The following DENND1A variants were observed in gnomAD, a reference collection of about 807,000 sequenced individuals.
DENND1A encodes DENN domain-containing protein 1A.
A neutral mutation model predicts 113.7 loss-of-function variants in DENND1A; 51 were observed. The ratio of observed to expected loss-of-function variants is 0.45; its 90% confidence interval spans 0.36 to 0.57. DENND1A has a LOEUF of 0.57. Among genes scored for constraint, DENND1A ranks in the 20% least tolerant of loss-of-function variants. The pLI is 0.00. For missense variants in DENND1A, 1,258 were observed against 1,395.9 expected, an observed-to-expected ratio of 0.90 and a Z score of 1.57; for synonymous variants, 565 against 570.8, an observed-to-expected ratio of 0.99 and a Z score of 0.14.
chr9:123,677,590 T>C (rs771103690), intron 5 of DENND1A, among the ~76,000 whole-genome samples: 1 of 152,118 alleles, frequency 6.6e-6, no homozygotes. Context: ...TGCGCCACCA[T>C]GCCTGGCTAA....
chr9:123,856,973 G>A (rs896631039), intron 2 of DENND1A, among the ~76,000 whole-genome samples: 3 of 151,906 alleles, frequency 2.0e-5, no homozygotes, highest in African/African-American at 7.3e-5. Flanking sequence ...GTTGAAATCG[G>A]AAGTACTGGT....
chr9:123,729,939 C>T (rs1341833829), intron 5 of DENND1A, among the ~76,000 whole-genome samples: 1 of 152,084 alleles, frequency 6.6e-6, no homozygotes, highest in Admixed American at 6.5e-5. Flanking sequence ...GAACAGAGGC[C>T]TTAGAAATCA....
intron 1 of DENND1A, among the ~76,000 whole-genome samples, chr9:123,929,616 C>G (rs773717063): frequency 1.4e-4 from 22 of 152,078 alleles, no homozygotes; most frequent in Admixed American, 3.9e-4. Flanking sequence ...CTCCGTAAAC[C>G]CGGGGAGGGG....
At chr9:123,623,660 C>G (rs2061059558) in intron 10 of DENND1A, among the ~76,000 whole-genome samples, 1 of 152,212 alleles carries the variant, frequency 6.6e-6, no homozygotes, top group African/African-American at 2.4e-5. Context: ...AAAGTTAACT[C>G]AGATGATTGT....
chr9:123,408,575 C>T (rs2044067020), intron 20 of DENND1A, among the ~76,000 whole-genome samples: 1 of 152,176 alleles, frequency 6.6e-6, no homozygotes, highest in African/African-American at 2.4e-5. Context: ...TAATTCAAAC[C>T]AGGGCAGGCC....
chr9:123,644,057 T>C (rs1278826865), intron 9 of DENND1A, among the ~76,000 whole-genome samples: 6 of 152,184 alleles, frequency 3.9e-5, no homozygotes, highest in African/African-American at 1.4e-4. Flanking sequence ...CTGGTTTTAA[T>C]TCCATCTCTG....
chr9:123,487,085 T>G (rs181061768), intron 13 of DENND1A, among the ~76,000 whole-genome samples: 1 of 152,148 alleles, frequency 6.6e-6, no homozygotes, highest in African/African-American at 2.4e-5. Flanking sequence ...CATATTTCTA[T>G]AGCAAAGCAA....
At chr9:123,593,714 AGCTTGT>A (rs1323749041) in intron 11 of DENND1A, among the ~76,000 whole-genome samples, 1 of 152,092 alleles carries the variant, frequency 6.6e-6, no homozygotes, top group African/African-American at 2.4e-5. Flanking sequence ...ACATCTTAGT[AGCTTGT>A]TAATCAAAAT....
chr9:123,488,764 G>A (rs1331494853), intron 13 of DENND1A, among the ~76,000 whole-genome samples: 1 of 152,172 alleles, frequency 6.6e-6, no homozygotes, highest in Non-Finnish European at 1.5e-5. Flanking sequence ...GTCCTCTGGG[G>A]GAGAGATGCT....
rs375535777 is a variant in DENND1A at position 123,848,228 on chromosome 9, T to TAAA, written c.88+30720_88+30722dup. Among the ~76,000 whole-genome samples, 31 of 60,508 alleles carry TAAA rather than the reference T, an allele frequency of 5.1e-4. 1 individual carries two copies. Among genetic ancestry groups the TAAA allele is most frequent in the African/African-American group, 6.5e-4 (9 of 13,906 alleles). 39.7% of individuals were successfully genotyped at this position (60,508 alleles called of 152,430 possible). ...TTATTGCACTTCAAAGATACTGCTTTAAAAAAAAAAAAAAAAAAAAAAAAA... is the reference window on the plus strand; with the variant it reads ...TTATTGCACTTCAAAGATACTGCTTTAAAAAAAAAAAAAAAAAAAAAAAAAAAA... On this transcript the variant is annotated intron_variant, in intron 2 of 23. Coordinates refer to ENST00000394215, the MANE Select transcript of DENND1A (RefSeq NM_001352964.2).
chr9:123,381,081 C>T lies in DENND1A; in HGVS notation c.*351G>A, dbSNP rs916547403. 3.2e-5 allele frequency: 8 copies of T among 249,458 alleles called. No individual in the cohort carries two copies. Among genetic ancestry groups the T allele is most frequent in the South Asian group, 5.7e-5 (1 of 17,594 alleles). 15.5% of individuals were successfully genotyped at this position (249,458 alleles called of 1,614,324 possible). A position where few individuals can be genotyped will look rare whatever the true frequency, so the allele number is the denominator to read the frequency against. On this transcript the variant is annotated 3_prime_UTR_variant, in exon 24 of 24. Coordinates refer to ENST00000394215, the MANE Select transcript of DENND1A (RefSeq NM_001352964.2). This position sits in a 1 kb window ranked among gnomAD's most constrained non-coding sequence, Gnocchi z 4.7. The stretch of plus-strand genomic sequence containing the variant: ...GGGCTCGGAGGGGAGGCCTTCGGAG[C>T]CTCTTGGGACACTTCCGGGGGAAGG...
Position 123,630,480 on chromosome 9 carries a change from G to A in DENND1A, c.619-4C>T, listed in dbSNP as rs779455701. 1.3e-6 allele frequency: 2 copies of A among 1,569,648 alleles called. No individual in the cohort carries two copies. The highest frequency in any genetic ancestry group is 1.9e-5 in the Admixed American group (1 of 52,782). On this transcript the variant is annotated splice_polypyrimidine_tract_variant and splice_region_variant and intron_variant, in intron 9 of 23. Transcript: ENST00000394215. ...ACCCGTGGATGCAGGCAGTCAGCTG[G>A]AACAGAGCAAAGCAGAGATCAATGA... is the stretch of plus-strand genomic sequence containing the variant.
chr9:123,763,540 G>C (rs1269359894), intron 4 of DENND1A, among the ~76,000 whole-genome samples: 2 of 152,066 alleles, frequency 1.3e-5, no homozygotes, highest in African/African-American at 4.8e-5. Context: ...GGAAATCAGA[G>C]GAAACGTTTG....
At chr9:123,869,688 T>C (rs641993) in intron 2 of DENND1A, among the ~76,000 whole-genome samples, 13,134 of 152,152 alleles carry the variant, frequency 0.086, 949 homozygotes, top group African/African-American at 0.2. Context: ...TGGCAATTTG[T>C]CCCAACTATA....
intron 19 of DENND1A, among the ~76,000 whole-genome samples, chr9:123,427,130 C>CA (rs1481956284): frequency 6.6e-6 from 1 of 152,202 alleles, no homozygotes; most frequent in Non-Finnish European, 1.5e-5. Context: ...TTAGAACAAA[C>CA]AAAAAGGGCA....
chr9:123,805,254 A>G (rs1403612859), intron 2 of DENND1A, among the ~76,000 whole-genome samples: 4 of 152,170 alleles, frequency 2.6e-5, no homozygotes, highest in African/African-American at 9.7e-5. Flanking sequence ...TTCACCATGC[A>G]ACATATTATA....
At position 123,477,123 on chromosome 9, in the gene DENND1A, A is replaced by G. The variant is rs148816827; in HGVS notation, c.994-19226T>C. On this transcript the variant is annotated intron_variant, in intron 13 of 23. Transcript: ENST00000394215. ...GGTATTCCATGAGCAGCTGAAGGTC[A>G]TTTCAATAGTGAGTGAAGAGACTGG... Among the ~76,000 whole-genome samples the G allele has an allele frequency of 1.7e-3, 261 of 152,374 alleles. 1 individual carries two copies. Among genetic ancestry groups the G allele is most frequent in the African/African-American group, 5.6e-3 (232 of 41,594 alleles).
intron 5 of DENND1A, among the ~76,000 whole-genome samples, chr9:123,706,540 G>C (rs536530773): frequency 6.6e-5 from 10 of 151,930 alleles, no homozygotes; most frequent in African/African-American, 2.4e-4. Context: ...GGGAGGCCGA[G>C]ACGGGCGGAT....
chr9:123,665,057 T>C (rs924888367), intron 8 of DENND1A, among the ~76,000 whole-genome samples: 2 of 152,178 alleles, frequency 1.3e-5, no homozygotes, highest in African/African-American at 4.8e-5. Flanking sequence ...CCTCTGTCAT[T>C]AGGGAAATAT....
Sources: gnomAD v4.1 joint callset for allele counts (sites outside exome capture counted in the v4.1 genomes callset) on GRCh38, gnomAD v4.1.1 for gene constraint, Gnocchi (gnomAD v3.1) non-coding constraint, MANE v1.5 for transcripts, NCBI Gene and HGNC (gene_info 2026-07-23, HGNC 2026-07-21) for gene names.